Variants in GNA11 observed in about 807,000 individuals in gnomAD.
GNA11 encodes the protein G protein subunit alpha 11, also known as guanine nucleotide-binding protein subunit alpha-11.
GNA11 carries 8 observed loss-of-function variants against 38.2 expected under a neutral mutation model. The ratio of observed to expected loss-of-function variants is 0.21; its 90% CI spans 0.12 to 0.38. The LOEUF is 0.38. Among genes scored for constraint, GNA11 ranks in the 10% least tolerant of loss-of-function variants. The pLI is 1.00. For missense variants in GNA11, 268 were observed against 516.3 expected (o/e 0.52, Z 4.66); for synonymous variants, 211 against 221.4 (o/e 0.95, Z 0.42).
intron 3 of GNA11, among the ~76,000 whole-genome samples, chr19:3,114,095 C>A (rs1876305394): frequency 6.6e-6 from 1 of 152,158 alleles, no homozygotes; most frequent in Non-Finnish European, 1.5e-5. Flanking sequence ...CCGGGAGAGA[C>A]CCTAAGGCGA....
chr19:3,115,467 G>A (rs556162643), intron 4 of GNA11: 5 of 170,970 alleles, frequency 2.9e-5, no homozygotes, highest in African/African-American at 1.2e-4. Context: ...ACCAGGTCAG[G>A]GGATAAGATT....
At position 3,108,614 on chromosome 19, in the gene GNA11, A is replaced by G. The variant is rs75490760; in HGVS notation, c.137-1535A>G. 0.023 allele frequency among the ~76,000 whole-genome samples: 3,558 copies of G among 152,312 alleles called. 49 individuals carry two copies. The highest frequency in any genetic ancestry group is 0.055 in the East Asian group (285 of 5,184). Reference sequence around the variant, plus strand: ...GCCTGAGCAAGGTTAATACCTGAGTAGAGAGTTGAGGCAGTCTCTTTTTAG... The same window carrying G: ...GCCTGAGCAAGGTTAATACCTGAGTGGAGAGTTGAGGCAGTCTCTTTTTAG... On this transcript the variant is annotated intron_variant, in intron 1 of 6. Coordinates refer to ENST00000078429, the MANE Select transcript of GNA11 (RefSeq NM_002067.5). This position sits in a 1 kb window ranked among gnomAD's most constrained non-coding sequence, Gnocchi z 4.5.
Position 3,110,084 on chromosome 19 carries a change from GA to G in GNA11, c.137-64del. Reference sequence around the variant, plus strand: ...CTGCAGCACGGCAGGGTCTGGGTAAGAGGGGGCAGCAGCACGAGAGTCAGGC... The same window carrying G: ...CTGCAGCACGGCAGGGTCTGGGTAAGGGGGGCAGCAGCACGAGAGTCAGGC... On this transcript the variant is annotated intron_variant, in intron 1 of 6. Coordinates refer to ENST00000078429, the MANE Select transcript of GNA11 (RefSeq NM_002067.5). This position sits in a 1 kb window ranked among gnomAD's most constrained non-coding sequence, Gnocchi z 5.4. 1.5e-6 allele frequency: 2 copies of G among 1,349,038 alleles called. No homozygotes were observed. Among genetic ancestry groups the G allele is most frequent in the Non-Finnish European group, 2.1e-6 (2 of 974,974 alleles). The allele number at this position is 1,349,038 out of a possible 1,614,324, so 83.6% of individuals were successfully genotyped here.
At chr19:3,113,565 G>A in intron 3 of GNA11, 81 bp downstream of exon 3, 5 of 1,116,068 alleles carry the variant, frequency 4.5e-6, no homozygotes, top group Non-Finnish European at 5.0e-6. Flanking sequence ...GGCCTCCGCG[G>A]CGTCTGTGGT....
chr19:3,113,526 G>A (rs1457706404), intron 3 of GNA11, 42 bp downstream of exon 3: 8 of 1,411,220 alleles, frequency 5.7e-6, no homozygotes, highest in Non-Finnish European at 7.5e-6. Context: ...GACGGCAGCT[G>A]CGGGCCGGTG....
At position 3,122,817 on chromosome 19, in the gene GNA11, C is replaced by T. The variant is rs568842923; in HGVS notation, c.*1638C>T. ...TCAGGCCTGCCCTGGCCTCCTCGTC[C>T]GCAGGGCTGTCTGCTGGCTTCTGGG... is the stretch of plus-strand genomic sequence containing the variant. On this transcript the variant is annotated 3_prime_UTR_variant, in exon 7 of 7. Coordinates refer to ENST00000078429, the MANE Select transcript of GNA11 (RefSeq NM_002067.5). This position sits in a 1 kb window ranked among gnomAD's most constrained non-coding sequence, Gnocchi z 7.7. 6.8e-5 allele frequency: 16 copies of T among 233,676 alleles called. No individual in the cohort carries two copies. The highest frequency in any genetic ancestry group is 6.6e-4 in the East Asian group (11 of 16,590). The allele number at this position is 233,676 out of a possible 1,614,324, so 14.5% of individuals were successfully genotyped here.
chr19:3,115,116 C>G (rs751411584), intron 4 of GNA11, 44 bp downstream of exon 4: 2 of 1,593,006 alleles, frequency 1.3e-6, no homozygotes, highest in Non-Finnish European at 1.7e-6. Flanking sequence ...CACTGAGAGG[C>G]TCATTTGCCC....
intron 4 of GNA11, among the ~76,000 whole-genome samples, chr19:3,115,738 G>C (rs564303132): frequency 6.8e-6 from 1 of 147,020 alleles, no homozygotes; most frequent in Non-Finnish European, 1.5e-5. Context: ...CATGGGGACC[G>C]AGGCTGTGAG....
At chr19:3,118,741 C>A in intron 4 of GNA11, 183 bp from the exon 5 acceptor site, 1 of 607,250 alleles carries the variant, frequency 1.6e-6, no homozygotes, top group Non-Finnish European at 2.9e-6. Flanking sequence ...GCGGTGGTCA[C>A]CCCTGGAGGC....
chr19:3,119,688 G>T lies in GNA11; in HGVS notation c.889+329G>T, dbSNP rs1914018578. ...GTCTTGTACAAGGAGGGCACCATGG[G>T]AGGGGGAGTCTTGTATTGGTGGGTC... On this transcript the variant is annotated intron_variant, in intron 6 of 6. Coordinates refer to ENST00000078429, the MANE Select transcript of GNA11 (RefSeq NM_002067.5). The surrounding 1 kb of genome is among the most constrained non-coding windows in gnomAD (Gnocchi z 4.6). 6.6e-6 allele frequency among the ~76,000 whole-genome samples: 1 copy of T among 151,710 alleles called. No homozygotes were observed. The highest frequency in any genetic ancestry group is 6.6e-5 in the Admixed American group (1 of 15,242).
In GNA11 at chr19:3,119,155, G is replaced by T. The variant is rs773942927; in HGVS notation, c.736-51G>T. ...GGTCCCCCCAGCTGCCCCTTGGGCT[G>T]TGTGCAGTGGGGAGGGCCCCTCTGA... On this transcript the variant is annotated intron_variant, in intron 5 of 6. Coordinates refer to ENST00000078429, the MANE Select transcript of GNA11 (RefSeq NM_002067.5). The surrounding 1 kb of genome is among the most constrained non-coding windows in gnomAD (Gnocchi z 4.6). 3.1e-5 allele frequency: 50 copies of T among 1,608,026 alleles called. No homozygotes were observed. Among genetic ancestry groups the T allele is most frequent in the Non-Finnish European group, 4.1e-5 (48 of 1,175,864 alleles).
chr19:3,120,971 C>T lies in GNA11; in HGVS notation c.890-18C>T. 6.3e-7 allele frequency: 1 copy of T among 1,594,500 alleles called. No homozygotes were observed. The highest frequency in any genetic ancestry group is 8.6e-7 in the Non-Finnish European group (1 of 1,168,898). ...TGGGCCGGGCTGGGGCACAGCCTCA[C>T]CCTCTGCCCTCCCCCAGGTCCCCAG... On this transcript the variant is annotated intron_variant, in intron 6 of 6. Transcript: ENST00000078429. The surrounding 1 kb of genome is among the most constrained non-coding windows in gnomAD (Gnocchi z 5.9).
At position 3,121,682 on chromosome 19, in the gene GNA11, T is replaced by C. The variant is rs929084710; in HGVS notation, c.*503T>C. Reference sequence around the variant, plus strand: ...CTTCTTTTCTTCATCACAAAAGGCGTGGAGACTCGGAGACGGACGTTTTTC... The same window carrying C: ...CTTCTTTTCTTCATCACAAAAGGCGCGGAGACTCGGAGACGGACGTTTTTC... On this transcript the variant is annotated 3_prime_UTR_variant, in exon 7 of 7. Coordinates refer to ENST00000078429, the MANE Select transcript of GNA11 (RefSeq NM_002067.5). 4.7e-5 allele frequency: 11 copies of C among 232,666 alleles called. No individual in the cohort carries two copies. Among genetic ancestry groups the C allele is most frequent in the African/African-American group, 2.4e-4 (11 of 45,262 alleles). The allele number at this position is 232,666 out of a possible 1,614,324, so 14.4% of individuals were successfully genotyped here. A position where few individuals can be genotyped will look rare whatever the true frequency, so the allele number is the denominator to read the frequency against.
At chr19:3,096,671 G>GGTGTCTGCTGCAGGAGCACCT (rs1408855398) in intron 1 of GNA11, among the ~76,000 whole-genome samples, 1 of 152,078 alleles carries the variant, frequency 6.6e-6, no homozygotes, top group African/African-American at 2.4e-5. Context: ...GTGGCCCGGG[G>GGTGTCTGCTGCAGGAGCACCT]GTGTCTGCTG....
intron 3 of GNA11, 72 bp from the exon 4 acceptor site, chr19:3,114,871 GT>G: frequency 6.8e-7 from 1 of 1,462,920 alleles, no homozygotes; most frequent in Non-Finnish European, 9.4e-7. Flanking sequence ...CCTCCCGCTG[GT>G]TTGGGTGCTG....
In GNA11 at chr19:3,100,567, C is replaced by T. The variant is rs1282441282; in HGVS notation, c.136+5780C>T. 6.6e-5 allele frequency among the ~76,000 whole-genome samples: 10 copies of T among 152,306 alleles called. No homozygotes were observed. The East Asian group carries it at 1.2e-3, about 18-fold the overall frequency. On this transcript the variant is annotated intron_variant, in intron 1 of 6. Transcript: ENST00000078429. ...ATGCCCTGCAGGCTGGTCTGGTGCA[C>T]GCCAGGGGTCTCTGCTGGGGCAGGC...
In GNA11 at chr19:3,113,296, G is replaced by A. The variant is rs781724612; in HGVS notation, c.322-34G>A. 1.6e-5 allele frequency: 25 copies of A among 1,606,614 alleles called. No individual in the cohort carries two copies. Among genetic ancestry groups the A allele is most frequent in the Non-Finnish European group, 2.0e-5 (24 of 1,175,028 alleles). ...TTTCTGGTGGATGTGTGGCCCCAGC[G>A]AGCTCTCGACGTCTCCCCTGCCCGC... On this transcript the variant is annotated intron_variant, in intron 2 of 6. Coordinates refer to ENST00000078429, the MANE Select transcript of GNA11 (RefSeq NM_002067.5).
chr19:3,116,992 G>T (rs771453770), intron 4 of GNA11, among the ~76,000 whole-genome samples: 4 of 152,166 alleles, frequency 2.6e-5, no homozygotes, highest in African/African-American at 4.8e-5. Context: ...AGGATGCGGC[G>T]TGAAGATGGA....
intron 1 of GNA11, among the ~76,000 whole-genome samples, chr19:3,104,864 G>A (rs561300314): frequency 6.6e-6 from 1 of 152,292 alleles, no homozygotes; most frequent in Admixed American, 6.5e-5. Flanking sequence ...CCGGGCTCTT[G>A]GATTTCTGCA....
Sources: allele counts gnomAD v4.1 joint callset (sites outside exome capture counted in the v4.1 genomes callset), GRCh38; gene constraint gnomAD v4.1.1; non-coding constraint Gnocchi (gnomAD v3.1); transcripts MANE v1.5; gene names NCBI Gene and HGNC (gene_info 2026-07-23, HGNC 2026-07-21).